The following CAP2 variants were observed in gnomAD, a reference collection of about 807,000 sequenced individuals.
The protein encoded by CAP2 is adenylyl cyclase-associated protein 2.
In CAP2, 24 loss-of-function variants were observed where a neutral mutation model predicts 57.7. The observed-to-expected ratio is 0.42, with a 90% confidence interval of 0.30 to 0.58. CAP2 has a LOEUF of 0.58. CAP2 is among the 20% of genes least tolerant of loss of function. The pLI is 0.22. For missense variants in CAP2, 501 were observed against 590.3 expected (o/e 0.85, Z 1.57); for synonymous variants, 194 against 207.2 (o/e 0.94, Z 0.55).
chr6:17,461,803 G>A (rs371916538), intron 3 of CAP2, among the ~76,000 whole-genome samples: 5 of 149,576 alleles, frequency 3.3e-5, no homozygotes, highest in Admixed American at 6.6e-5. Flanking sequence ...CCATCCTGGC[G>A]AACACTGTGA....
chr6:17,498,150 A>G (rs957019391), intron 4 of CAP2, among the ~76,000 whole-genome samples: 5 of 152,172 alleles, frequency 3.3e-5, no homozygotes, highest in Admixed American at 2.6e-4. Flanking sequence ...TAGAGTGAGC[A>G]CTCTCTCAAA....
chr6:17,464,288 A>C (rs182509468), intron 4 of CAP2, among the ~76,000 whole-genome samples: 24 of 152,352 alleles, frequency 1.6e-4, no homozygotes, highest in Admixed American at 7.2e-4. Context: ...CATTTATATA[A>C]ATAAAAAATA....
chr6:17,394,161 A>AG (rs1225827833), intron 1 of CAP2, among the ~76,000 whole-genome samples: 1 of 86,236 alleles, frequency 1.2e-5, no homozygotes, highest in Non-Finnish European at 2.3e-5. Context: ...TGAGTCTTCC[A>AG]GGGGGGTGGG....
rs181347375 is a variant in CAP2, at chr6:17,419,673, C to T, written c.-1-1882C>T. 2.1e-4 allele frequency among the ~76,000 whole-genome samples: 32 copies of T among 152,050 alleles called. No individual in the cohort carries two copies. The Middle Eastern group carries it at 0.017, about 81-fold the overall frequency. ...TGTTTGGAAGCAGGAAGCATGGATA[C>T]CCTGCCCCCTCGCCATTTTTTTTTT... On this transcript the variant is annotated intron_variant, in intron 1 of 12. Coordinates refer to ENST00000229922, the MANE Select transcript of CAP2 (RefSeq NM_006366.3).
intron 1 of CAP2, among the ~76,000 whole-genome samples, chr6:17,398,954 T>G (rs1758739896): frequency 6.6e-6 from 1 of 152,364 alleles, no homozygotes; most frequent in East Asian, 1.9e-4. Flanking sequence ...CCACTAAATA[T>G]AACTCTGGAT....
intron 4 of CAP2, among the ~76,000 whole-genome samples, chr6:17,492,525 C>T (rs1761569271): frequency 6.6e-6 from 1 of 152,106 alleles, no homozygotes; most frequent in Non-Finnish European, 1.5e-5. Context: ...TGAACTTTAG[C>T]CTATGCGTGG....
chr6:17,454,035 C>T (rs942156996), intron 3 of CAP2, among the ~76,000 whole-genome samples: 4 of 151,580 alleles, frequency 2.6e-5, no homozygotes, highest in African/African-American at 9.7e-5. Context: ...CTCAGCCTCC[C>T]GAGTAGCTGG....
Position 17,543,122 on chromosome 6 carries a change from C to T in CAP2, c.1188C>T (p.Asn396=). Residue 396 remains asparagine (N), a synonymous_variant, in exon 11 of 13, where the codon AAC becomes AAT. Transcript: ENST00000229922. ...TGGTGGGCATTGTGGAAGTGATCAACTCCCAGGACATTCAAATCCAGGTAA... is the reference window on the plus strand; with the variant it reads ...TGGTGGGCATTGTGGAAGTGATCAATTCCCAGGACATTCAAATCCAGGTAA... ...DNVVGIVEVI[N]SQDIQIQVMG... is the part of the protein sequence containing the mutation. The T allele has an allele frequency of 6.2e-7, 1 of 1,613,866 alleles. No homozygotes were observed. The highest frequency in any genetic ancestry group is 8.5e-7 in the Non-Finnish European group (1 of 1,179,764).
At chr6:17,456,096 A>G (rs897640527) in intron 3 of CAP2, among the ~76,000 whole-genome samples, 38 of 152,248 alleles carry the variant, frequency 2.5e-4, no homozygotes, top group Admixed American at 1.7e-3. Flanking sequence ...TTGAAAGTGC[A>G]GTGTCCAGAC....
chr6:17,477,136 A>G (rs1761169646), intron 4 of CAP2, among the ~76,000 whole-genome samples: 1 of 151,960 alleles, frequency 6.6e-6, no homozygotes, highest in South Asian at 2.1e-4. Flanking sequence ...GGCCTCCCAA[A>G]GTGCTGGGAT....
Position 17,464,535 on chromosome 6 carries a change from A to G in CAP2, c.300+1462A>G, listed in dbSNP as rs115578223. Among the ~76,000 whole-genome samples, 1,014 of 152,268 alleles carry G rather than the reference A, an allele frequency of 6.7e-3. 11 individuals are homozygous for G. Among genetic ancestry groups the G allele is most frequent in the African/African-American group, 0.023 (961 of 41,544 alleles). On this transcript the variant is annotated intron_variant, in intron 4 of 12. Transcript: ENST00000229922. Reference sequence around the variant, plus strand: ...AATCACCTGCAAAATTTTAAAAAATACCAGTACCTGGGTCCCAACCCAAGG... The same window carrying G: ...AATCACCTGCAAAATTTTAAAAAATGCCAGTACCTGGGTCCCAACCCAAGG...
chr6:17,406,677 C>T (rs9477415), intron 1 of CAP2, among the ~76,000 whole-genome samples: 5,960 of 152,172 alleles, frequency 0.039, 286 homozygotes, highest in African/African-American at 0.11. Flanking sequence ...CAGGTGTGAG[C>T]AACCTCGCCC....
At chr6:17,547,854 A>G (rs1763085418) in intron 11 of CAP2, among the ~76,000 whole-genome samples, 1 of 151,786 alleles carries the variant, frequency 6.6e-6, no homozygotes, top group Non-Finnish European at 1.5e-5. Context: ...AAAAAAAAAA[A>G]AAGTTCTAAC....
intron 1 of CAP2, among the ~76,000 whole-genome samples, chr6:17,416,612 C>T (rs1352585883): frequency 6.6e-6 from 1 of 152,014 alleles, no homozygotes; most frequent in Non-Finnish European, 1.5e-5. Context: ...TAGATAATGC[C>T]CCAAACTGAA....
At position 17,425,395 on chromosome 6, in the gene CAP2, C is replaced by A. The variant is rs1028455247; in HGVS notation, c.122-1195C>A. ...ATGGGCTCAGCAGTCAATTTCATTC[C>A]CACTATGGTTGTCCCCCCACCCCCT... On this transcript the variant is annotated intron_variant, in intron 2 of 12. Transcript: ENST00000229922. 1.1e-4 allele frequency among the ~76,000 whole-genome samples: 17 copies of A among 152,212 alleles called. 1 individual carries two copies. In the South Asian group the frequency reaches 2.9e-3, roughly 26 times the overall value.
intron 7 of CAP2, chr6:17,531,714 A>G: frequency 1.6e-6 from 1 of 631,478 alleles, no homozygotes; most frequent in Non-Finnish European, 2.7e-6. Flanking sequence ...ACCTGTACTT[A>G]AAGTTGGAGA....
chr6:17,406,415 A>ATTTTTTTTTTTTT, intron 1 of CAP2, among the ~76,000 whole-genome samples: 1 of 62,074 alleles, frequency 1.6e-5, no homozygotes, highest in South Asian at 5.1e-4. Context: ...TTTTTTTTTG[A>ATTTTTTTTTTTTT]GGCAGTCTCA....
At chr6:17,397,312 G>A (rs969036437) in intron 1 of CAP2, among the ~76,000 whole-genome samples, 7 of 151,918 alleles carry the variant, frequency 4.6e-5, no homozygotes, top group East Asian at 2.0e-4. Flanking sequence ...TGCCGTTCTC[G>A]GCCTCCCAAA....
At chr6:17,393,895 G>A (rs1758601671) in intron 1 of CAP2, 149 bp downstream of exon 1, 1 of 150,966 alleles carries the variant, frequency 6.6e-6, no homozygotes. Flanking sequence ...GCAGCGCGAG[G>A]GGAATAAAGG....
Sources: gnomAD v4.1 joint callset for allele counts (sites outside exome capture counted in the v4.1 genomes callset) on GRCh38, gnomAD v4.1.1 for gene constraint, MANE v1.5 for transcripts, NCBI Gene and HGNC (gene_info 2026-07-23, HGNC 2026-07-21) for gene names.